Variants in ZMIZ1 observed in about 807,000 individuals in gnomAD.
ZMIZ1 encodes zinc finger MIZ-type containing 1.
ZMIZ1 carries 17 observed loss-of-function variants against 113.9 expected under a neutral mutation model. The ratio of observed to expected loss-of-function variants is 0.15; its 90% CI spans 0.10 to 0.22. The LOEUF is 0.22. Ranked by LOEUF, ZMIZ1 falls within the 10% of genes least tolerant of loss-of-function variation. The pLI is 1.00. For synonymous variants in ZMIZ1, 607 were observed against 603.1 expected, an observed-to-expected ratio of 1.01 and a Z score of -0.09; for missense variants, 1,059 against 1,477.8, an observed-to-expected ratio of 0.72 and a Z score of 4.65.
At chr10:79,125,128 C>T (rs1224243401) in intron 2 of ZMIZ1, among the ~76,000 whole-genome samples, 1 of 152,196 alleles carries the variant, frequency 6.6e-6, no homozygotes, top group Non-Finnish European at 1.5e-5. Flanking sequence ...CTGGACCAGG[C>T]GCTGGGGCTT....
rs1424555929 is a variant in ZMIZ1 at position 79,277,241 on chromosome 10, G to A, written c.341G>A (p.Ser114Asn). 13 of 1,588,672 alleles carry A rather than the reference G, an allele frequency of 8.2e-6. No individual in the cohort carries two copies. Among genetic ancestry groups the A allele is most frequent in the Non-Finnish European group, 1.1e-5 (13 of 1,168,054 alleles). ...GRLLLLRHQK[S>N]RQSDPPGKLP... ...CTGCTGCTGCTCCGACATCAGAAGA[G>A]CCGCCAGAGCGATCCCCCTGGGAAA... Residue 114 changes from serine (S) to asparagine (N), a missense_variant, in exon 8 of 25, where the codon AGC (serine) becomes AAC (asparagine). Ser to Asn is a conservative substitution (Grantham distance 46). Transcript: ENST00000334512.
chr10:79,253,833 T>C (rs559138708), intron 7 of ZMIZ1, among the ~76,000 whole-genome samples: 1 of 152,236 alleles, frequency 6.6e-6, no homozygotes, highest in Non-Finnish European at 1.5e-5. Context: ...ATGCCCTGTG[T>C]GGATGCATGG....
chr10:79,117,744 G>A (rs955352194), intron 1 of ZMIZ1, among the ~76,000 whole-genome samples: 1 of 152,168 alleles, frequency 6.6e-6, no homozygotes, highest in African/African-American at 2.4e-5. Context: ...GCAGAAGGGG[G>A]ACTTTACAAA....
At chr10:79,076,551 CAG>C (rs1445667652) in intron 1 of ZMIZ1, among the ~76,000 whole-genome samples, 2 of 152,154 alleles carry the variant, frequency 1.3e-5, no homozygotes, top group Admixed American at 6.5e-5. Flanking sequence ...AGAAGTAAAA[CAG>C]GGCCGGGCAC....
At chr10:79,142,020 G>A (rs1340114360) in intron 3 of ZMIZ1, among the ~76,000 whole-genome samples, 1 of 152,198 alleles carries the variant, frequency 6.6e-6, no homozygotes, top group Non-Finnish European at 1.5e-5. Context: ...CAGCAGGCAG[G>A]CTCGCTAGTG....
At chr10:79,148,946 G>A (rs1387465771) in intron 3 of ZMIZ1, among the ~76,000 whole-genome samples, 2 of 152,240 alleles carry the variant, frequency 1.3e-5, no homozygotes, top group Non-Finnish European at 1.5e-5. Flanking sequence ...GGGCCTGTTT[G>A]ATTGGGGTAA....
At chr10:79,107,909 C>T (rs1164963717) in intron 1 of ZMIZ1, among the ~76,000 whole-genome samples, 1 of 152,108 alleles carries the variant, frequency 6.6e-6, no homozygotes, top group Non-Finnish European at 1.5e-5. Flanking sequence ...GCCTGAGGGC[C>T]CTGGCATGGG....
chr10:79,130,914 T>A (rs4979844), intron 2 of ZMIZ1, among the ~76,000 whole-genome samples: 29,495 of 151,920 alleles, frequency 0.19, 3,309 homozygotes, highest in East Asian at 0.4. Flanking sequence ...GCCCTCCCAG[T>A]TCTTTGAAGG....
At chr10:79,102,574 T>C (rs1158366241) in intron 1 of ZMIZ1, among the ~76,000 whole-genome samples, 1 of 152,244 alleles carries the variant, frequency 6.6e-6, no homozygotes, top group East Asian at 1.9e-4. Context: ...AACAGAAATA[T>C]TGGAGCCACC....
At chr10:79,146,966 G>A (rs1845517285) in intron 3 of ZMIZ1, among the ~76,000 whole-genome samples, 1 of 133,126 alleles carries the variant, frequency 7.5e-6, no homozygotes, top group African/African-American at 2.6e-5. Flanking sequence ...GTGTGTGTGT[G>A]TGTGTGTATA....
rs1851494253 is a variant in ZMIZ1 at position 79,264,832 on chromosome 10, A to T, written c.281-12349A>T. The stretch of plus-strand genomic sequence containing the variant: ...ACTTTGCAGAAGCATTTATTGGGGT[A>T]CCCCCAAAAAGAAAGGGGGGCATTC... On this transcript the variant is annotated intron_variant, in intron 7 of 24. Coordinates refer to ENST00000334512, the MANE Select transcript of ZMIZ1 (RefSeq NM_020338.4). Among the ~76,000 whole-genome samples, 3 of 152,040 alleles carry T rather than the reference A, an allele frequency of 2.0e-5. 1 individual carries two copies. Among genetic ancestry groups the T allele is most frequent in the Middle Eastern group, 3.4e-3 (1 of 294 alleles).
chr10:79,214,853 G>A lies in ZMIZ1; in HGVS notation c.175-1316G>A, dbSNP rs77890943. 3.2e-4 allele frequency among the ~76,000 whole-genome samples: 49 copies of A among 152,330 alleles called. No homozygotes were observed. In the East Asian group the frequency reaches 7.3e-3, roughly 23 times the overall value. On this transcript the variant is annotated intron_variant, in intron 6 of 24. Transcript: ENST00000334512. Reference sequence around the variant, plus strand: ...TTTTGCTGCTGTTCATGAGGAAGGCGGGTGTGAGGGAGCAGATCTGGGAGT... The same window carrying A: ...TTTTGCTGCTGTTCATGAGGAAGGCAGGTGTGAGGGAGCAGATCTGGGAGT...
intron 7 of ZMIZ1, among the ~76,000 whole-genome samples, chr10:79,225,502 G>A (rs1205036612): frequency 6.6e-6 from 1 of 152,040 alleles, no homozygotes; most frequent in Non-Finnish European, 1.5e-5. Flanking sequence ...GGCTGAGGTG[G>A]GAGGATCACT....
At chr10:79,225,390 G>C (rs919626964) in intron 7 of ZMIZ1, among the ~76,000 whole-genome samples, 2 of 152,108 alleles carry the variant, frequency 1.3e-5, no homozygotes, top group Admixed American at 6.6e-5. Flanking sequence ...TTAGCTACAG[G>C]TGACTGCTCA....
intron 1 of ZMIZ1, among the ~76,000 whole-genome samples, chr10:79,085,364 C>T (rs1035597825): frequency 5.3e-5 from 8 of 152,236 alleles, no homozygotes; most frequent in African/African-American, 1.9e-4. Context: ...ACATGCCCAG[C>T]GTGACGCCAG....
chr10:79,312,906 A>G lies in ZMIZ1; in HGVS notation c.*157A>G. On this transcript the variant is annotated 3_prime_UTR_variant, in exon 25 of 25. Transcript: ENST00000334512. ...TCCCCCGCTGCAGCCCTCTCAGAACAGAGGGGTAGGGAGGGTGCACCAGTG... is the reference window on the plus strand; with the variant it reads ...TCCCCCGCTGCAGCCCTCTCAGAACGGAGGGGTAGGGAGGGTGCACCAGTG... The G allele has an allele frequency of 1.6e-6, 1 of 639,378 alleles. No individual in the cohort carries two copies. The allele number at this position is 639,378 out of a possible 1,614,324, so 39.6% of individuals were successfully genotyped here. A position where few individuals can be genotyped will look rare whatever the true frequency, so the allele number is the denominator to read the frequency against.
At chr10:79,111,588 G>A (rs1843741659) in intron 1 of ZMIZ1, among the ~76,000 whole-genome samples, 1 of 152,208 alleles carries the variant, frequency 6.6e-6, no homozygotes. Context: ...AACCAAGTGG[G>A]CCCACACAGG....
At chr10:79,240,636 A>G (rs1401813291) in intron 7 of ZMIZ1, among the ~76,000 whole-genome samples, 1 of 78,528 alleles carries the variant, frequency 1.3e-5, no homozygotes, top group Admixed American at 1.3e-4. Context: ...AAGAGTATTT[A>G]TCTTTTTTTT....
intron 1 of ZMIZ1, among the ~76,000 whole-genome samples, chr10:79,113,343 G>A (rs1039843108): frequency 6.6e-6 from 1 of 152,228 alleles, no homozygotes; most frequent in African/African-American, 2.4e-5. Context: ...CGTCATACTG[G>A]CTTAGGTGTC....
Sources: gnomAD v4.1 joint callset for allele counts (sites outside exome capture counted in the v4.1 genomes callset) on GRCh38, gnomAD v4.1.1 for gene constraint, MANE v1.5 for transcripts, NCBI Gene and HGNC (gene_info 2026-07-23, HGNC 2026-07-21) for gene names.